The following TP53INP1 variants were observed in gnomAD, a reference collection of about 807,000 sequenced individuals.
TP53INP1 encodes the protein tumor protein p53-inducible nuclear protein 1.
TP53INP1 carries 12 observed loss-of-function variants against 21.0 expected under a neutral mutation model. That is an observed-to-expected ratio of 0.57 (90% CI 0.37 to 0.93). The LOEUF is 0.93. Among genes scored for constraint, TP53INP1 ranks in the 40% least tolerant of loss-of-function variants. TP53INP1 has a pLI of 0.01. For synonymous variants in TP53INP1, 91 were observed against 94.8 expected (o/e 0.96, Z 0.23); for missense variants, 274 against 294.7 (o/e 0.93, Z 0.51).
At chr8:94,934,443 T>G (rs1820766106) in intron 3 of TP53INP1, among the ~76,000 whole-genome samples, 1 of 151,798 alleles carries the variant, frequency 6.6e-6, no homozygotes, top group African/African-American at 2.4e-5. Flanking sequence ...TGGAGTGCAA[T>G]GGCGTGATCT....
In TP53INP1 at chr8:94,941,093, T is replaced by C. The variant is rs891033120; in HGVS notation, c.-150-2A>G. The C allele has an allele frequency of 1.0e-4, 60 of 602,112 alleles. No homozygotes were observed. The highest frequency in any genetic ancestry group is 2.9e-6 in the Non-Finnish European group (1 of 342,486). The allele number at this position is 602,112 out of a possible 1,614,324, so 37.3% of individuals were successfully genotyped here. A position where few individuals can be genotyped will look rare whatever the true frequency, so the allele number is the denominator to read the frequency against. The stretch of plus-strand genomic sequence containing the variant: ...GAAAAGCAAGAAGAGTCATTGTACC[T>C]AAAATAAAACAGAAAAAGGAAGTTA... On this transcript the variant is annotated splice_acceptor_variant, in intron 1 of 3. Coordinates refer to ENST00000342697, the MANE Select transcript of TP53INP1 (RefSeq NM_033285.4). LOFTEE classifies it low-confidence loss of function (5UTR_SPLICE).
intron 3 of TP53INP1, among the ~76,000 whole-genome samples, chr8:94,933,985 G>C (rs1820714531): frequency 6.6e-6 from 1 of 151,854 alleles, no homozygotes; most frequent in Non-Finnish European, 1.5e-5. Context: ...GCTGAGGCAG[G>C]AGAATTGCTT....
Position 94,927,615 on chromosome 8 carries a change from T to C in TP53INP1, c.*2864A>G, listed in dbSNP as rs1450827739. ...CCACAGAAGATAAATAATGGATGGC[T>C]AATTTTCACCTTACAGTGCAGTACA... On this transcript the variant is annotated 3_prime_UTR_variant, in exon 4 of 4. Coordinates refer to ENST00000342697, the MANE Select transcript of TP53INP1 (RefSeq NM_033285.4). 1 of 152,172 alleles carries C rather than the reference T, an allele frequency of 6.6e-6. No homozygotes were observed. Among genetic ancestry groups the C allele is most frequent in the African/African-American group, 2.4e-5 (1 of 41,430 alleles). The allele number at this position is 152,172 out of a possible 1,614,324, so 9.4% of individuals were successfully genotyped here.
At chr8:94,938,291 T>C (rs753343095) in intron 3 of TP53INP1, among the ~76,000 whole-genome samples, 1 of 152,232 alleles carries the variant, frequency 6.6e-6, no homozygotes, top group Non-Finnish European at 1.5e-5. Flanking sequence ...GGGATTCTGG[T>C]GTTGTGCCAG....
At position 94,930,480 on chromosome 8, in the gene TP53INP1, T is replaced by C; in HGVS notation, c.722A>G (p.Ter241=). The change falls in exon 4 of 4, where the codon TAA becomes TGA. Residue 241 remains the stop codon, a stop_retained_variant. Transcript: ENST00000342697. ...HQPCPRQYNY[*] ...ACCAACCAACAAAACTTGAAACTAT[T>C]AGTAATTGTACTGACGCGGGCAGGG... 2.5e-6 allele frequency: 4 copies of C among 1,613,842 alleles called. No individual in the cohort carries two copies. Among genetic ancestry groups the C allele is most frequent in the Non-Finnish European group, 3.4e-6 (4 of 1,179,706 alleles).
intron 1 of TP53INP1, among the ~76,000 whole-genome samples, chr8:94,947,916 C>A (rs1444681083): frequency 1.3e-5 from 2 of 152,218 alleles, no homozygotes; most frequent in Non-Finnish European, 2.9e-5. Flanking sequence ...TTAAAAGCTT[C>A]CCAGTGCTTT....
At position 94,935,508 on chromosome 8, in the gene TP53INP1, G is replaced by A. The variant is rs987681210; in HGVS notation, c.473+4352C>T. On this transcript the variant is annotated intron_variant, in intron 3 of 3. Coordinates refer to ENST00000342697, the MANE Select transcript of TP53INP1 (RefSeq NM_033285.4). The stretch of plus-strand genomic sequence containing the variant: ...AGAAGGCAGAGATTACAAGAAAAGT[G>A]ACCAACAATTGCTTGGGGCAATAGA... Among the ~76,000 whole-genome samples the A allele has an allele frequency of 1.2e-4, 18 of 152,194 alleles. 1 individual carries two copies. Among genetic ancestry groups the A allele is most frequent in the African/African-American group, 2.4e-5 (1 of 41,442 alleles).
At chr8:94,942,550 C>T (rs900807699) in intron 1 of TP53INP1, among the ~76,000 whole-genome samples, 11 of 152,186 alleles carry the variant, frequency 7.2e-5, no homozygotes, top group African/African-American at 2.4e-4. Flanking sequence ...CAAAATACTT[C>T]GAATAAAGTC....
At chr8:94,933,782 A>C (rs553385408) in intron 3 of TP53INP1, among the ~76,000 whole-genome samples, 3 of 125,978 alleles carry the variant, frequency 2.4e-5, no homozygotes, top group South Asian at 2.9e-4. Flanking sequence ...CCCCAAAAAA[A>C]CCAACTATAC....
chr8:94,937,101 A>AT (rs1376225106), intron 3 of TP53INP1, among the ~76,000 whole-genome samples: 4 of 152,162 alleles, frequency 2.6e-5, no homozygotes. Flanking sequence ...GTGCCAAAAA[A>AT]ACCTACAACA....
rs185282859 is a variant in TP53INP1, at chr8:94,930,573, C to T, written c.629G>A (p.Arg210His). The change falls in exon 4 of 4, where the codon CGT (arginine) becomes CAT (histidine). Residue 210 changes from arginine (R) to histidine (H), a missense_variant. Transcript: ENST00000342697. ...GCAATCCCTGGTAAGATTTTGGCGA[C>T]GAAGGCTATTTCTGTTAAGAGGCTG... ...ERQPLNRNSL[R>H]RQNLTRDCHP... 119 of 1,614,182 alleles carry T rather than the reference C, an allele frequency of 7.4e-5. 1 individual carries two copies. The East Asian group carries it at 2.3e-3, about 32-fold the overall frequency.
At chr8:94,932,780 G>C (rs889298484) in intron 3 of TP53INP1, among the ~76,000 whole-genome samples, 1 of 152,194 alleles carries the variant, frequency 6.6e-6, no homozygotes, top group African/African-American at 2.4e-5. Context: ...TCCAGCCTGG[G>C]CGAAGGAGCG....
At chr8:94,946,696 CAA>C (rs71273438) in intron 1 of TP53INP1, among the ~76,000 whole-genome samples, 1,324 of 34,640 alleles carry the variant, frequency 0.038, 38 homozygotes, top group East Asian at 0.16. Context: ...GACCCTGTCT[CAA>C]AAAAAAAAAA....
At chr8:94,944,540 T>C (rs1821825588) in intron 1 of TP53INP1, among the ~76,000 whole-genome samples, 1 of 152,220 alleles carries the variant, frequency 6.6e-6, no homozygotes. Context: ...AGTCAGAGGC[T>C]GCCTCCAGAT....
chr8:94,937,012 C>A (rs976074112), intron 3 of TP53INP1, among the ~76,000 whole-genome samples: 4 of 152,164 alleles, frequency 2.6e-5, no homozygotes, highest in Admixed American at 6.5e-5. Context: ...CCCTGGGGAG[C>A]TACAAAATGG....
At chr8:94,931,968 T>C in intron 3 of TP53INP1, 1 of 1,189,876 alleles carries the variant, frequency 8.4e-7, no homozygotes, top group East Asian at 2.6e-5. Flanking sequence ...TGAGACTCCA[T>C]CTCAAAAAAA....
At chr8:94,931,955 G>T in intron 3 of TP53INP1, 2 of 991,248 alleles carry the variant, frequency 2.0e-6, no homozygotes, top group Non-Finnish European at 3.0e-6. Context: ...CTGAGTGACA[G>T]AGTGAGACTC....
At chr8:94,938,112 C>G (rs1821168163) in intron 3 of TP53INP1, among the ~76,000 whole-genome samples, 1 of 152,178 alleles carries the variant, frequency 6.6e-6, no homozygotes, top group Non-Finnish European at 1.5e-5. Context: ...GACATTGTTT[C>G]TAAGCTCAGG....
chr8:94,942,528 C>T (rs539144553), intron 1 of TP53INP1, among the ~76,000 whole-genome samples: 3 of 152,298 alleles, frequency 2.0e-5, no homozygotes, highest in African/African-American at 7.2e-5. Context: ...TTGTTAAAGG[C>T]AATGGACTTA....
Sources: gnomAD v4.1 joint callset for allele counts (sites outside exome capture counted in the v4.1 genomes callset) on GRCh38, gnomAD v4.1.1 for gene constraint, MANE v1.5 for transcripts, NCBI Gene and HGNC (gene_info 2026-07-23, HGNC 2026-07-21) for gene names.